The following EMILIN2 variants were observed in gnomAD, a reference collection of about 807,000 sequenced individuals.
EMILIN2 encodes EMILIN-2.
EMILIN2 carries 71 observed loss-of-function variants against 87.1 expected under a neutral mutation model. The ratio of observed to expected loss-of-function variants is 0.82; its 90% CI spans 0.67 to 0.99. The LOEUF is 0.99. Among genes scored for constraint, EMILIN2 ranks in the 50% least tolerant of loss-of-function variants. The pLI is 0.00. For missense variants in EMILIN2, 1,407 were observed against 1,371.8 expected, an observed-to-expected ratio of 1.03 and a Z score of -0.40; for synonymous variants, 581 against 563.4, an observed-to-expected ratio of 1.03 and a Z score of -0.44.
At chr18:2,871,191 T>C (rs910679862) in intron 2 of EMILIN2, among the ~76,000 whole-genome samples, 3 of 152,160 alleles carry the variant, frequency 2.0e-5, no homozygotes, top group African/African-American at 4.8e-5. Context: ...TTCTTATCCA[T>C]GCAGAGGAGG....
chr18:2,906,498 G>A (rs1370894457), intron 4 of EMILIN2: 18 of 307,276 alleles, frequency 5.9e-5, no homozygotes, highest in South Asian at 4.8e-4. Context: ...TGTTGATGCC[G>A]GAGCCAAGAG....
At chr18:2,910,065 G>C (rs113367521) in intron 7 of EMILIN2, among the ~76,000 whole-genome samples, 1 of 152,042 alleles carries the variant, frequency 6.6e-6, no homozygotes, top group Admixed American at 6.5e-5. Flanking sequence ...AGGTCAACAC[G>C]CTAGTCCTCA....
chr18:2,881,012 C>T (rs917226477), intron 2 of EMILIN2, among the ~76,000 whole-genome samples: 2 of 152,188 alleles, frequency 1.3e-5, no homozygotes, highest in Admixed American at 6.5e-5. Context: ...ACCCAGAATC[C>T]TCCTTTGTTG....
Position 2,891,074 on chromosome 18 carries a change from C to G in EMILIN2, c.947C>G (p.Ala316Gly). ...VTMTTNELYQ[A>G]YVDSKIDALR... The stretch of plus-strand genomic sequence containing the variant: ...ATGACAACCAACGAACTCTACCAAG[C>G]CTATGTGGACAGTAAGATCGACGCC... The change falls in exon 4 of 8, where the codon GCC becomes GGC. Residue 316 changes from alanine to glycine, a missense_variant. By Grantham distance (60) the Ala-to-Gly change is moderately conservative. Coordinates refer to ENST00000254528, the MANE Select transcript of EMILIN2 (RefSeq NM_032048.3). This position sits in a 1 kb window ranked among gnomAD's most constrained non-coding sequence, Gnocchi z 4.6. 1 of 1,614,172 alleles carries G rather than the reference C, an allele frequency of 6.2e-7. No individual in the cohort carries two copies. The highest frequency in any genetic ancestry group is 8.5e-7 in the Non-Finnish European group (1 of 1,180,038).
intron 7 of EMILIN2, among the ~76,000 whole-genome samples, chr18:2,911,294 G>A (rs1395676607): frequency 6.6e-6 from 1 of 152,216 alleles, no homozygotes; most frequent in Non-Finnish European, 1.5e-5. Flanking sequence ...TAAGAGGGGG[G>A]CGTGCGCAGT....
chr18:2,847,703 GCC>G lies in EMILIN2; in HGVS notation c.135-100_135-99del. 6.8e-7 allele frequency: 1 copy of G among 1,465,156 alleles called. No homozygotes were observed. The highest frequency in any genetic ancestry group is 9.0e-7 in the Non-Finnish European group (1 of 1,108,414). 90.8% of individuals were successfully genotyped at this position (1,465,156 alleles called of 1,614,324 possible). On this transcript the variant is annotated intron_variant, in intron 1 of 7. Transcript: ENST00000254528. The surrounding 1 kb of genome is among the most constrained non-coding windows in gnomAD (Gnocchi z 4.5). ...CTCCCGCCTCCGCAGAGGGCGACGG[GCC>G]CCCCCGACCCTCGCTCGGTCTGGTG...
At position 2,899,284 on chromosome 18, in the gene EMILIN2, G is replaced by A. The variant is rs189278348; in HGVS notation, c.2359+6798G>A. On this transcript the variant is annotated intron_variant, in intron 4 of 7. Coordinates refer to ENST00000254528, the MANE Select transcript of EMILIN2 (RefSeq NM_032048.3). Reference sequence around the variant, plus strand: ...CTGTGCCCAAAAAGAAAGAGGAGGTGGGGGGGAGGGAGGACACAGAATGAA... The same window carrying A: ...CTGTGCCCAAAAAGAAAGAGGAGGTAGGGGGGAGGGAGGACACAGAATGAA... Among the ~76,000 whole-genome samples the A allele has an allele frequency of 3.8e-3, 577 of 152,158 alleles. 2 individuals are homozygous for A. The highest frequency in any genetic ancestry group is 0.013 in the African/African-American group (544 of 41,504).
Position 2,894,395 on chromosome 18 carries a change from C to T in EMILIN2, c.2359+1909C>T, listed in dbSNP as rs1440137518. On this transcript the variant is annotated intron_variant, in intron 4 of 7. Transcript: ENST00000254528. The surrounding 1 kb of genome is among the most constrained non-coding windows in gnomAD (Gnocchi z 5.0). ...CCCACTGCACCTCACTATTTATAAC[C>T]CAGCCCTTCCCCCACTCCAGGGCCA... Among the ~76,000 whole-genome samples the T allele has an allele frequency of 6.6e-6, 1 of 152,200 alleles. No homozygotes were observed. Among genetic ancestry groups the T allele is most frequent in the Non-Finnish European group, 1.5e-5 (1 of 68,036 alleles).
At chr18:2,900,672 C>T (rs1033937611) in intron 4 of EMILIN2, among the ~76,000 whole-genome samples, 4 of 69,810 alleles carry the variant, frequency 5.7e-5, no homozygotes, top group Non-Finnish European at 1.0e-4. Flanking sequence ...AAGCTCACCC[C>T]GGGCCCATTT....
At position 2,856,754 on chromosome 18, in the gene EMILIN2, G is replaced by A. The variant is rs72868200; in HGVS notation, c.257+8823G>A. Among the ~76,000 whole-genome samples the A allele has an allele frequency of 0.043, 6,586 of 152,232 alleles. 660 individuals are homozygous for A. In the East Asian group the frequency reaches 0.47, roughly 11 times the overall value. On this transcript the variant is annotated intron_variant, in intron 2 of 7. Coordinates refer to ENST00000254528, the MANE Select transcript of EMILIN2 (RefSeq NM_032048.3). Reference sequence around the variant, plus strand: ...GTTAACTACTTCCATCCTTGATGAAGTAGTTTTCTGGGCTTAAAAATAACA... The same window carrying A: ...GTTAACTACTTCCATCCTTGATGAAATAGTTTTCTGGGCTTAAAAATAACA...
In EMILIN2 at chr18:2,890,632, G is replaced by A. The variant is rs1251821252; in HGVS notation, c.505G>A (p.Gly169Arg). The change falls in exon 4 of 8, where the codon GGG becomes AGG. Residue 169 changes from glycine (G) to arginine (R), a missense_variant. Coordinates refer to ENST00000254528, the MANE Select transcript of EMILIN2 (RefSeq NM_032048.3). The surrounding 1 kb of genome is among the most constrained non-coding windows in gnomAD (Gnocchi z 4.7). The part of the protein sequence containing the change: ...SPTGTAQPSW[G>R]VDPKEGPQEL... ...AACTGGTACAGCACAACCAAGCTGG[G>A]GGGTAGATCCAAAAGAGGGGCCTCA... 30 of 1,613,600 alleles carry A rather than the reference G, an allele frequency of 1.9e-5. No homozygotes were observed. In the East Asian group the frequency reaches 6.2e-4, roughly 34 times the overall value.
At chr18:2,872,121 A>AGT (rs900744202) in intron 2 of EMILIN2, among the ~76,000 whole-genome samples, 1 of 152,222 alleles carries the variant, frequency 6.6e-6, no homozygotes, top group African/African-American at 2.4e-5. Flanking sequence ...TTTCCATATC[A>AGT]GTATAATTGC....
chr18:2,898,950 G>C (rs1381192837), intron 4 of EMILIN2, among the ~76,000 whole-genome samples: 1 of 152,178 alleles, frequency 6.6e-6, no homozygotes, highest in Non-Finnish European at 1.5e-5. Flanking sequence ...GTAGGCACCA[G>C]GTTTCTACGA....
At position 2,892,147 on chromosome 18, in the gene EMILIN2, T is replaced by C; in HGVS notation, c.2020T>C (p.Trp674Arg). The C allele has an allele frequency of 6.2e-7, 1 of 1,608,028 alleles. No homozygotes were observed. The highest frequency in any genetic ancestry group is 1.1e-5 in the South Asian group (1 of 90,504). Reference sequence around the variant, plus strand: ...TTGCTGCAGTCAGCTGGAGGAGAGGTGGCAGAGGTTGCAGAGCCAGGTCAT... The same window carrying C: ...TTGCTGCAGTCAGCTGGAGGAGAGGCGGCAGAGGTTGCAGAGCCAGGTCAT... Reference protein sequence around the residue: ...AHCCSQLEERWQRLQSQVISE... With the variant: ...AHCCSQLEERRQRLQSQVISE... The change falls in exon 4 of 8, where the codon TGG (tryptophan) becomes CGG (arginine). Residue 674 changes from tryptophan to arginine, a missense_variant. By Grantham distance (101) the Trp-to-Arg change is moderately radical. Coordinates refer to ENST00000254528, the MANE Select transcript of EMILIN2 (RefSeq NM_032048.3).
chr18:2,912,032 C>CTT (rs35260656), intron 7 of EMILIN2, among the ~76,000 whole-genome samples: 118 of 73,114 alleles, frequency 1.6e-3, no homozygotes, highest in East Asian at 2.9e-3. Flanking sequence ...CTGACAACCA[C>CTT]TTTTTTTTTT....
chr18:2,866,342 C>A (rs1473164175), intron 2 of EMILIN2, among the ~76,000 whole-genome samples: 1 of 152,212 alleles, frequency 6.6e-6, no homozygotes, highest in Non-Finnish European at 1.5e-5. Flanking sequence ...GGCTCCTTCC[C>A]CTCTATGATT....
intron 4 of EMILIN2, among the ~76,000 whole-genome samples, chr18:2,902,858 A>G (rs2076894088): frequency 6.6e-6 from 1 of 152,226 alleles, no homozygotes; most frequent in African/African-American, 2.4e-5. Context: ...CCAAAGGAGA[A>G]GGAAGAGTGA....
intron 4 of EMILIN2, among the ~76,000 whole-genome samples, chr18:2,905,320 G>C (rs1291464816): frequency 7.1e-6 from 1 of 140,130 alleles, no homozygotes; most frequent in Non-Finnish European, 1.6e-5. Flanking sequence ...GCATGTATTT[G>C]ATCTGCCATA....
At chr18:2,866,174 C>T (rs776422271) in intron 2 of EMILIN2, among the ~76,000 whole-genome samples, 1 of 152,210 alleles carries the variant, frequency 6.6e-6, no homozygotes, top group Non-Finnish European at 1.5e-5. Context: ...GGCAATGCCT[C>T]GCCCTGCTTC....
Sources: gnomAD v4.1 joint callset for allele counts (sites outside exome capture counted in the v4.1 genomes callset) on GRCh38, gnomAD v4.1.1 for gene constraint, Gnocchi (gnomAD v3.1) non-coding constraint, MANE v1.5 for transcripts, NCBI Gene and HGNC (gene_info 2026-07-23, HGNC 2026-07-21) for gene names.